KLHL1: variants seen among roughly 807,000 people sequenced by gnomAD.
The protein encoded by KLHL1 is kelch-like protein 1.
Under a neutral mutation model 77.7 loss-of-function variants are expected in KLHL1, and 47 were observed. The ratio of observed to expected loss-of-function variants is 0.60; its 90% CI spans 0.48 to 0.77. The LOEUF is 0.77. Among genes scored for constraint, KLHL1 ranks in the 30% least tolerant of loss-of-function variants. The pLI is 0.00. For missense variants in KLHL1, 925 were observed against 910.8 expected (o/e 1.02, Z -0.20); for synonymous variants, 360 against 325.2 (o/e 1.11, Z -1.15).
At chr13:69,717,025 C>G (rs899531367) in intron 9 of KLHL1, among the ~76,000 whole-genome samples, 15 of 151,958 alleles carry the variant, frequency 9.9e-5, no homozygotes, top group African/African-American at 3.6e-4. Context: ...TCATTCAGTC[C>G]CTGCCTTCTA....
chr13:70,037,856 AT>A (rs1275153250), intron 1 of KLHL1, among the ~76,000 whole-genome samples: 5 of 152,212 alleles, frequency 3.3e-5, no homozygotes, highest in Admixed American at 3.3e-4. Flanking sequence ...TATGTGTAGT[AT>A]TTTTTGACAG....
At chr13:70,103,525 A>T (rs1887974284) in intron 1 of KLHL1, among the ~76,000 whole-genome samples, 1 of 152,080 alleles carries the variant, frequency 6.6e-6, no homozygotes, top group Admixed American at 6.6e-5. Flanking sequence ...AGGCAAAGAT[A>T]ATGAGGGGAG....
In KLHL1 at chr13:69,719,377, A is replaced by G; in HGVS notation, c.2007T>C (p.Tyr669=). 1.2e-6 allele frequency: 2 copies of G among 1,613,228 alleles called. No homozygotes were observed. The highest frequency in any genetic ancestry group is 1.7e-6 in the Non-Finnish European group (2 of 1,179,436). ...TGTCCTTGGGGTCTTACCTTTCTAC[A>G]TAATCCAGTAGCCGGGAACAGTGAT... ...ASNHCSRLLD[Y]VERYDPKTDT... is the part of the protein sequence containing the mutation. Residue 669 remains tyrosine (Y), a synonymous_variant, in exon 9 of 11, where the codon TAT becomes TAC. Transcript: ENST00000377844.
chr13:69,729,395 T>G (rs1032484990), intron 8 of KLHL1, among the ~76,000 whole-genome samples: 9 of 152,118 alleles, frequency 5.9e-5, no homozygotes, highest in African/African-American at 2.2e-4. Context: ...TAACCTAAAC[T>G]TAAGATAAGT....
chr13:69,778,313 A>G lies in KLHL1; in HGVS notation c.1639+18425T>C, dbSNP rs367934233. ...AATACTGTGACTCAGATCAAATGAT[A>G]TATGTCTCAAGGTTTCTTATAAAAA... On this transcript the variant is annotated intron_variant, in intron 7 of 10. Coordinates refer to ENST00000377844, the MANE Select transcript of KLHL1 (RefSeq NM_020866.3). Among the ~76,000 whole-genome samples the G allele has an allele frequency of 9.9e-5, 15 of 152,252 alleles. No homozygotes were observed. In the East Asian group the frequency reaches 1.7e-3, roughly 18 times the overall value.
intron 1 of KLHL1, among the ~76,000 whole-genome samples, chr13:69,999,336 T>A (rs1345599293): frequency 2.0e-5 from 3 of 148,928 alleles, no homozygotes; most frequent in African/African-American, 7.4e-5. Flanking sequence ...AGTCTATGGC[T>A]TCATGAGAAG....
chr13:69,882,348 G>T lies in KLHL1; in HGVS notation c.1162C>A (p.Gln388Lys). ...ATGCTCAGGTCATTGCATCTACTCT[G>T]CATGTCATACTTGACCCACATCATC... ...ALMMWVKYDM[Q>K]SRCNDLSMLL... The change falls in exon 5 of 11, where the codon CAG (glutamine) becomes AAG (lysine). Residue 388 changes from glutamine to lysine, a missense_variant. By Grantham distance (53) the Gln-to-Lys change is moderately conservative (BLOSUM62 1). Transcript: ENST00000377844. 1 of 1,613,896 alleles carries T rather than the reference G, an allele frequency of 6.2e-7. No individual in the cohort carries two copies. The highest frequency in any genetic ancestry group is 8.5e-7 in the Non-Finnish European group (1 of 1,179,860).
chr13:69,766,769 A>C (rs1303046433), intron 7 of KLHL1, among the ~76,000 whole-genome samples: 2 of 152,130 alleles, frequency 1.3e-5, no homozygotes, highest in African/African-American at 2.4e-5. Flanking sequence ...GTCATAGTGC[A>C]TCAGGTAAAA....
At chr13:69,829,995 C>T (rs1878698251) in intron 6 of KLHL1, among the ~76,000 whole-genome samples, 1 of 149,728 alleles carries the variant, frequency 6.7e-6, no homozygotes, top group Non-Finnish European at 1.5e-5. Flanking sequence ...AAAATAGAAC[C>T]TCCTTAAAGC....
chr13:70,060,615 G>A (rs546467361), intron 1 of KLHL1, among the ~76,000 whole-genome samples: 190 of 151,970 alleles, frequency 1.3e-3, no homozygotes, highest in African/African-American at 4.1e-3. Flanking sequence ...AGGCTGAGGC[G>A]CGTGGATCAC....
chr13:70,018,423 T>C (rs367906891), intron 1 of KLHL1, among the ~76,000 whole-genome samples: 24 of 152,232 alleles, frequency 1.6e-4, no homozygotes, highest in South Asian at 8.3e-4. Context: ...GCAGCTGTTC[T>C]AGCAGTACAC....
intron 1 of KLHL1, among the ~76,000 whole-genome samples, chr13:70,082,197 G>T (rs553699818): frequency 7.2e-5 from 11 of 152,024 alleles, no homozygotes; most frequent in African/African-American, 2.7e-4. Flanking sequence ...TGAGCCAATT[G>T]AACATCTTTT....
chr13:69,843,172 G>A (rs1187513151), intron 5 of KLHL1, among the ~76,000 whole-genome samples: 1 of 151,596 alleles, frequency 6.6e-6, no homozygotes, highest in Non-Finnish European at 1.5e-5. Context: ...TTGTTCTCAG[G>A]TGACAGACAC....
intron 7 of KLHL1, among the ~76,000 whole-genome samples, chr13:69,794,287 C>T (rs1344675335): frequency 6.6e-6 from 1 of 152,150 alleles, no homozygotes; most frequent in Non-Finnish European, 1.5e-5. Context: ...CCCCCAGCTA[C>T]TCCTGATTGT....
intron 4 of KLHL1, among the ~76,000 whole-genome samples, chr13:69,893,321 G>C (rs1395168235): frequency 6.7e-6 from 1 of 148,828 alleles, no homozygotes; most frequent in Non-Finnish European, 1.5e-5. Flanking sequence ...TGCAAGCTCC[G>C]CTTCCCGGGT....
At chr13:69,918,391 T>C (rs1882515738) in intron 4 of KLHL1, among the ~76,000 whole-genome samples, 1 of 152,024 alleles carries the variant, frequency 6.6e-6, no homozygotes, top group Non-Finnish European at 1.5e-5. Context: ...TCTCCCAAAA[T>C]AGTACTCATA....
intron 1 of KLHL1, among the ~76,000 whole-genome samples, chr13:69,983,589 A>AAAAAAAAAAAAAAAAAG (rs1216543322): frequency 8.3e-5 from 11 of 132,218 alleles, no homozygotes; most frequent in African/African-American, 4.1e-4. Context: ...AAAAAAAAAA[A>AAAAAAAAAAAAAAAAAG]AAGAAGAAGA....
chr13:69,766,362 A>C (rs1475694326), intron 7 of KLHL1, among the ~76,000 whole-genome samples: 1 of 151,984 alleles, frequency 6.6e-6, no homozygotes, highest in African/African-American at 2.4e-5. Flanking sequence ...TAAAGAAAGT[A>C]GGTTCTCTCT....
chr13:69,824,885 A>G (rs207474006), intron 6 of KLHL1, among the ~76,000 whole-genome samples: 56 of 152,240 alleles, frequency 3.7e-4, no homozygotes, highest in Admixed American at 2.1e-3. Context: ...AGATTTGCAC[A>G]TCTCAATGAA....
Sources: allele counts gnomAD v4.1 joint callset (sites outside exome capture counted in the v4.1 genomes callset), GRCh38; gene constraint gnomAD v4.1.1; transcripts MANE v1.5; gene names NCBI Gene and HGNC (gene_info 2026-07-23, HGNC 2026-07-21).